Variants in ESPN observed in about 807,000 individuals in gnomAD.
ESPN encodes espin.
Under a neutral mutation model 77.7 loss-of-function variants are expected in ESPN, and 68 were observed. That is an observed-to-expected ratio of 0.87 (90% CI 0.72 to 1.07). ESPN has a LOEUF of 1.07. Among genes scored for constraint, ESPN ranks in the 50% least tolerant of loss-of-function variants. The pLI, the probability that ESPN is intolerant of heterozygous loss-of-function variation, is 0.00. For synonymous variants in ESPN, 449 were observed against 567.1 expected (o/e 0.79, Z 2.96); for missense variants, 1,060 against 1,239.0 (o/e 0.86, Z 2.17).
At position 6,447,103 on chromosome 1, in the gene ESPN, G is replaced by A. The variant is rs1643863499; in HGVS notation, c.1464+1168G>A. 6.5e-6 allele frequency: 1 copy of A among 152,794 alleles called. No homozygotes were observed. Among genetic ancestry groups the A allele is most frequent in the Non-Finnish European group, 1.5e-5 (1 of 68,422 alleles). 9.5% of individuals were successfully genotyped at this position (152,794 alleles called of 1,614,324 possible). A position where few individuals can be genotyped will look rare whatever the true frequency, so the allele number is the denominator to read the frequency against. ...GCCCCGTCTCCACCGTTGAGCCCAA[G>A]TGCCAGGTCTGCGTGGTCCCCTCCT... On this transcript the variant is annotated intron_variant, in intron 7 of 12. Transcript: ENST00000645284. The surrounding 1 kb of genome is among the most constrained non-coding windows in gnomAD (Gnocchi z 5.2).
In ESPN at chr1:6,450,793, C is replaced by T. The variant is rs746271690; in HGVS notation, c.1916-810C>T. 4.6e-5 allele frequency among the ~76,000 whole-genome samples: 7 copies of T among 151,160 alleles called. No homozygotes were observed. The highest frequency in any genetic ancestry group is 8.9e-5 in the Non-Finnish European group (6 of 67,636). On this transcript the variant is annotated intron_variant, in intron 8 of 12. Coordinates refer to ENST00000645284, the MANE Select transcript of ESPN (RefSeq NM_031475.3). The surrounding 1 kb of genome is among the most constrained non-coding windows in gnomAD (Gnocchi z 4.3). ...ATTCTGGGATCCCCAGCCTGGGAAT[C>T]CAAGAGCTGTCGGCCCATTTTATTC...
chr1:6,440,796 CG>C lies in ESPN; in HGVS notation c.850del (p.Glu284SerfsTer2). 6.6e-7 allele frequency: 1 copy of C among 1,508,390 alleles called. No individual in the cohort carries two copies. Among genetic ancestry groups the C allele is most frequent in the Non-Finnish European group, 8.8e-7 (1 of 1,136,996 alleles). The allele number at this position is 1,508,390 out of a possible 1,614,324, so 93.4% of individuals were successfully genotyped here. On this transcript the variant is annotated frameshift_variant, in exon 4 of 13. Transcript: ENST00000645284. LOFTEE classifies it high-confidence loss of function. ...GTPLHDAAENGELECCQILVV... is the reference protein window; with the variant it reads ...GTPLHDAAENXELECCQILVV... Reference sequence around the variant, plus strand: ...CCCCGCTGCACGACGCCGCCGAGAACGGGGAGCTAGAGGTCAGCGCGGGCCC... The same window carrying C: ...CCCCGCTGCACGACGCCGCCGAGAACGGGAGCTAGAGGTCAGCGCGGGCCC...
In ESPN at chr1:6,428,062, C is replaced by T. The variant is rs147465499; in HGVS notation, c.295-164C>T. On this transcript the variant is annotated intron_variant, in intron 1 of 12. Transcript: ENST00000645284. The surrounding 1 kb of genome is among the most constrained non-coding windows in gnomAD (Gnocchi z 5.4). ...AGAAGCAGGACTCAAACCCAGGATCCGCTTGACCCAAAAAAAACATTGCTG... is the reference window on the plus strand; with the variant it reads ...AGAAGCAGGACTCAAACCCAGGATCTGCTTGACCCAAAAAAAACATTGCTG... Among the ~76,000 whole-genome samples, 3 of 152,272 alleles carry T rather than the reference C, an allele frequency of 2.0e-5. No individual in the cohort carries two copies. Among genetic ancestry groups the T allele is most frequent in the Non-Finnish European group, 2.9e-5 (2 of 68,010 alleles).
In ESPN at chr1:6,451,942, CG is replaced by C; in HGVS notation, c.2172del (p.Thr726LeufsTer32). On this transcript the variant is annotated frameshift_variant, in exon 10 of 13. Coordinates refer to ENST00000645284, the MANE Select transcript of ESPN (RefSeq NM_031475.3). LOFTEE classifies it high-confidence loss of function. This position sits in a 1 kb window ranked among gnomAD's most constrained non-coding sequence, Gnocchi z 4.3. ...PLLNGSLVPV[P>X]PTTPAPGVQL... ...CTCAATGGAAGCTTGGTTCCCGTGC[CG>C]CCCACTACTCCTGCGCCGGGAGTGC... The C allele has an allele frequency of 6.2e-7, 1 of 1,610,818 alleles. No homozygotes were observed. The highest frequency in any genetic ancestry group is 8.5e-7 in the Non-Finnish European group (1 of 1,178,832).
chr1:6,426,490 G>C (rs970356184), intron 1 of ESPN, among the ~76,000 whole-genome samples: 10 of 145,686 alleles, frequency 6.9e-5, no homozygotes, highest in African/African-American at 2.2e-4. Flanking sequence ...AAAGTGTGGG[G>C]GGGATGACCT....
intron 12 of ESPN, among the ~76,000 whole-genome samples, chr1:6,458,029 A>T (rs867927067): frequency 5.5e-4 from 78 of 141,788 alleles, no homozygotes; most frequent in Admixed American, 1.8e-3. Flanking sequence ...AAAAAAAAAA[A>T]TTTTTTTTTG....
At chr1:6,461,166 G>C (rs187733920), downstream of ESPN, 412 of 691,006 alleles carry the variant, frequency 6.0e-4, 2 homozygotes, top group African/African-American at 6.9e-3. This position sits in a 1 kb window ranked among gnomAD's most constrained non-coding sequence, Gnocchi z 6.3. Flanking sequence ...GTTTTGTTTT[G>C]TTTTCTTTCA....
At chr1:6,456,370 G>A (rs1644058266) in intron 10 of ESPN, 1 of 380,916 alleles carries the variant, frequency 2.6e-6, no homozygotes, top group Non-Finnish European at 4.6e-6. Flanking sequence ...CCATCGTGGC[G>A]GGCTGTGGGG....
chr1:6,440,672 C>T lies in ESPN; in HGVS notation c.722C>T (p.Ala241Val). The change falls in exon 4 of 13, where the codon GCC becomes GTC. Residue 241 changes from alanine (A) to valine (V), a missense_variant. Physicochemically the swap from Ala to Val is moderately conservative, Grantham distance 64 (BLOSUM62 0). This residue lies in a region of ESPN where 556 missense variants were observed against 633.6 expected (regional missense o/e 0.88). Transcript: ENST00000645284. ...VSLSEQDKDGATAMHFAASRG... is the reference protein window; with the variant it reads ...VSLSEQDKDGVTAMHFAASRG... The stretch of plus-strand genomic sequence containing the variant: ...CTGTCCGAGCAGGACAAAGACGGCG[C>T]CACCGCCATGCACTTCGCGGCGAGC... 6.5e-7 allele frequency: 1 copy of T among 1,537,578 alleles called. No homozygotes were observed. The highest frequency in any genetic ancestry group is 8.7e-7 in the Non-Finnish European group (1 of 1,150,954).
At chr1:6,449,422 C>T (rs1217855599) in intron 8 of ESPN, among the ~76,000 whole-genome samples, 2 of 152,220 alleles carry the variant, frequency 1.3e-5, no homozygotes, top group Admixed American at 6.5e-5. Context: ...CCAGCTCTGG[C>T]GCTGGTGTTT....
chr1:6,449,110 A>G lies in ESPN; in HGVS notation c.1915+19A>G. ...ACCGGCAGTGAGTAGGGGCAGGTTGAGGGGCGTGGGGCGGCGCTAGCCCTG... is the reference window on the plus strand; with the variant it reads ...ACCGGCAGTGAGTAGGGGCAGGTTGGGGGGCGTGGGGCGGCGCTAGCCCTG... On this transcript the variant is annotated intron_variant, in intron 8 of 12. Coordinates refer to ENST00000645284, the MANE Select transcript of ESPN (RefSeq NM_031475.3). The G allele has an allele frequency of 6.8e-7, 1 of 1,464,638 alleles. No homozygotes were observed. The highest frequency in any genetic ancestry group is 1.5e-5 in the African/African-American group (1 of 68,100). 90.7% of individuals were successfully genotyped at this position (1,464,638 alleles called of 1,614,324 possible).
At position 6,448,662 on chromosome 1, in the gene ESPN, G is replaced by A. The variant is rs1364343077; in HGVS notation, c.1486G>A (p.Asp496Asn). The A allele has an allele frequency of 4.5e-6, 7 of 1,561,156 alleles. No homozygotes were observed. The African/African-American group carries it at 8.3e-5, about 19-fold the overall frequency. The stretch of plus-strand genomic sequence containing the variant: ...GCAGCTGAGCTCCTGTGACGGCCAC[G>A]ACGGGCTGCGGAGGCAGGACTCCAG... ...KKELSSCDGH[D>N]GLRRQDSSRK... Residue 496 changes from aspartate (D) to asparagine (N), a missense_variant, in exon 8 of 13, where the codon GAC becomes AAC. Around this residue, in one of 3 missense-constraint regions of ESPN, gnomAD observed 130 missense variants for 223.9 expected, o/e 0.58. Coordinates refer to ENST00000645284, the MANE Select transcript of ESPN (RefSeq NM_031475.3).
rs1288617945 is a variant in ESPN, at chr1:6,425,014, C to A, written c.59C>A (p.Ser20Ter). ...ARQGELDVLR[S>*]LHAAGLLGPS... ...CAGGGCGAGCTGGACGTGCTGAGGT[C>A]GCTGCACGCCGCAGGCCTCCTGGGG... The change falls in exon 1 of 13, where the codon TCG (serine) becomes TAG (stop). Residue 20 changes from serine to a stop codon, truncating the protein, a stop_gained. Coordinates refer to ENST00000645284, the MANE Select transcript of ESPN (RefSeq NM_031475.3). LOFTEE classifies it high-confidence loss of function. 1 of 1,467,974 alleles carries A rather than the reference C, an allele frequency of 6.8e-7. No homozygotes were observed. Among genetic ancestry groups the A allele is most frequent in the Non-Finnish European group, 9.0e-7 (1 of 1,116,074 alleles). 90.9% of individuals were successfully genotyped at this position (1,467,974 alleles called of 1,614,324 possible).
intron 12 of ESPN, among the ~76,000 whole-genome samples, chr1:6,458,008 GAAAA>G (rs34724255): frequency 7.0e-5 from 6 of 85,622 alleles, no homozygotes; most frequent in African/African-American, 1.3e-4. Context: ...CTCATTCTGC[GAAAA>G]AAAAAAAAAA....
Position 6,460,106 on chromosome 1 carries a change from G to T in ESPN, c.2525G>T (p.Arg842Leu), listed in dbSNP as rs761979450. The change falls in exon 13 of 13, where the codon CGA becomes CTA. Residue 842 changes from arginine (R) to leucine (L), a missense_variant. Physicochemically the swap from Arg to Leu is moderately radical, Grantham distance 102 (BLOSUM62 -2). This residue lies in a region of ESPN where 374 missense variants were observed against 381.4 expected (regional missense o/e 0.98). Coordinates refer to ENST00000645284, the MANE Select transcript of ESPN (RefSeq NM_031475.3). The stretch of plus-strand genomic sequence containing the variant: ...GAGAGCAAGCTGGCGCCCTGGCAGC[G>T]ACAGGTCATCCTGAAGAAGGGGGAC... ...YDESKLAPWQ[R>L]QVILKKGDIA... 15 of 1,613,026 alleles carry T rather than the reference G, an allele frequency of 9.3e-6. No homozygotes were observed. The South Asian group carries it at 1.6e-4, about 18-fold the overall frequency.
intron 5 of ESPN, 55 bp downstream of exon 5, chr1:6,441,120 G>C (rs1450883244): frequency 1.3e-6 from 2 of 1,582,384 alleles, no homozygotes; most frequent in Non-Finnish European, 1.7e-6. Context: ...CTCCACCCCA[G>C]TGGTGGGTGT....
At chr1:6,455,792 G>A in intron 10 of ESPN, 1 of 398,982 alleles carries the variant, frequency 2.5e-6, no homozygotes, top group Non-Finnish European at 4.4e-6. Flanking sequence ...TGGTGCTGGA[G>A]GAGGTGGAGG....
chr1:6,452,955 C>T (rs978080428), intron 10 of ESPN, among the ~76,000 whole-genome samples: 1 of 151,680 alleles, frequency 6.6e-6, no homozygotes, highest in Non-Finnish European at 1.5e-5. Flanking sequence ...TACAGTGGTG[C>T]GATCTCGACT....
chr1:6,424,787 G>T lies in ESPN; in HGVS notation c.-169G>T. 2.9e-6 allele frequency: 2 copies of T among 685,954 alleles called. No homozygotes were observed. Among genetic ancestry groups the T allele is most frequent in the South Asian group, 6.6e-5 (1 of 15,168 alleles). 42.5% of individuals were successfully genotyped at this position (685,954 alleles called of 1,614,324 possible). ...CGGGCTCCGGCCCCAGAGCGCGGCG[G>T]AGCGGAGCGCCAGGCAGCGCGGAGC... On this transcript the variant is annotated 5_prime_UTR_variant, in exon 1 of 13. Coordinates refer to ENST00000645284, the MANE Select transcript of ESPN (RefSeq NM_031475.3).
Sources: gnomAD v4.1 joint callset for allele counts (sites outside exome capture counted in the v4.1 genomes callset) on GRCh38, gnomAD v4.1.1 for gene constraint, gnomAD v4.1.1 regional missense constraint, Gnocchi (gnomAD v3.1) non-coding constraint, MANE v1.5 for transcripts, NCBI Gene and HGNC (gene_info 2026-07-23, HGNC 2026-07-21) for gene names.